Variants in L3MBTL4 observed in about 807,000 individuals in gnomAD.
L3MBTL4 encodes the protein L3MBTL histone methyl-lysine binding protein 4.
Under a neutral mutation model 84.5 loss-of-function variants are expected in L3MBTL4, and 70 were observed. That is an observed-to-expected ratio of 0.83 (90% CI 0.68 to 1.01). L3MBTL4 has a LOEUF of 1.01. Ranked by LOEUF, L3MBTL4 falls within the 50% of genes least tolerant of loss-of-function variation. L3MBTL4 has a pLI of 0.00. For missense variants in L3MBTL4, 715 were observed against 754.8 expected (o/e 0.95, Z 0.62); for synonymous variants, 274 against 259.8 (o/e 1.05, Z -0.52).
intron 4 of L3MBTL4, among the ~76,000 whole-genome samples, chr18:6,264,647 C>T (rs973753810): frequency 6.6e-6 from 1 of 152,014 alleles, no homozygotes; most frequent in South Asian, 2.1e-4. Flanking sequence ...AGCTGGGCAT[C>T]GTGGCGGGTG....
chr18:6,167,497 T>C (rs1279594458), intron 13 of L3MBTL4, among the ~76,000 whole-genome samples: 1 of 152,176 alleles, frequency 6.6e-6, no homozygotes, highest in Non-Finnish European at 1.5e-5. Context: ...ATGGGCTTCA[T>C]CCCTGGGATG....
At chr18:6,176,038 G>A (rs116593220) in intron 12 of L3MBTL4, among the ~76,000 whole-genome samples, 2,305 of 152,174 alleles carry the variant, frequency 0.015, 58 homozygotes, top group African/African-American at 0.053. Context: ...ATTCCTAAGA[G>A]AAATTAAAAG....
intron 1 of L3MBTL4, among the ~76,000 whole-genome samples, chr18:6,352,830 G>C (rs1415556495): frequency 6.6e-6 from 1 of 152,120 alleles, no homozygotes; most frequent in Non-Finnish European, 1.5e-5. Flanking sequence ...AAACTGAAAA[G>C]AGACATTTTT....
At chr18:6,297,084 T>C (rs897007156) in intron 4 of L3MBTL4, among the ~76,000 whole-genome samples, 4 of 152,134 alleles carry the variant, frequency 2.6e-5, no homozygotes, top group Non-Finnish European at 4.4e-5. Context: ...CTTGGTTCCA[T>C]CAATTAACAC....
intron 12 of L3MBTL4, among the ~76,000 whole-genome samples, chr18:6,189,304 C>T (rs1297256504): frequency 6.6e-6 from 1 of 152,136 alleles, no homozygotes; most frequent in Admixed American, 6.5e-5. Context: ...TTAATTAAAT[C>T]TTCAAATATC....
chr18:6,083,932 C>T (rs1037745245), intron 15 of L3MBTL4, among the ~76,000 whole-genome samples: 2 of 152,160 alleles, frequency 1.3e-5, no homozygotes, highest in Non-Finnish European at 2.9e-5. Context: ...GAAGAAAGGG[C>T]CTGCATCCTC....
chr18:6,031,812 T>A (rs1369128749), intron 16 of L3MBTL4: 1 of 17,360 alleles, frequency 5.8e-5, no homozygotes, highest in Admixed American at 9.7e-4. Flanking sequence ...AGATTCATGG[T>A]TTTTTTTTTT....
intron 1 of L3MBTL4, among the ~76,000 whole-genome samples, chr18:6,383,063 A>G (rs8089147): frequency 0.23 from 34,243 of 151,932 alleles, 6,115 homozygotes; most frequent in African/African-American, 0.49. Flanking sequence ...GCTGAGTTTC[A>G]GTAGGCTCTG....
At position 6,254,393 on chromosome 18, in the gene L3MBTL4, C is replaced by T. The variant is rs74986159; in HGVS notation, c.219+9554G>A. 6.6e-3 allele frequency among the ~76,000 whole-genome samples: 986 copies of T among 149,628 alleles called. 12 individuals are homozygous for T. Among genetic ancestry groups the T allele is most frequent in the African/African-American group, 0.023 (931 of 40,520 alleles). ...AAGCAGCAAGGCATGCTTCAAATTC[C>T]GCTTTTTCAAAGTGACACCTTTTTT... On this transcript the variant is annotated intron_variant, in intron 5 of 18. Transcript: ENST00000317931.
chr18:6,077,262 C>G (rs539404484), intron 16 of L3MBTL4, among the ~76,000 whole-genome samples: 3 of 152,314 alleles, frequency 2.0e-5, no homozygotes, highest in Admixed American at 6.5e-5. Context: ...ATTAGTAAGA[C>G]AAATTTCAAC....
chr18:6,363,272 T>A (rs2053787532), intron 1 of L3MBTL4, among the ~76,000 whole-genome samples: 1 of 152,242 alleles, frequency 6.6e-6, no homozygotes, highest in East Asian at 1.9e-4. Context: ...AAAACCCAGG[T>A]ATGAACCGTC....
chr18:6,168,855 G>A (rs189544720), intron 13 of L3MBTL4, among the ~76,000 whole-genome samples: 321 of 152,316 alleles, frequency 2.1e-3, no homozygotes, highest in Non-Finnish European at 3.8e-3. Context: ...AGAGCTTTCT[G>A]CACAGCAAAA....
At chr18:6,138,428 G>A (rs1228811898) in intron 13 of L3MBTL4, 132 bp from the exon 14 acceptor site, 3 of 572,652 alleles carry the variant, frequency 5.2e-6, no homozygotes, top group East Asian at 5.7e-5. Context: ...ACTTACAGGT[G>A]ACTTACGATG....
chr18:6,041,669 CTA>C (rs142825003), intron 16 of L3MBTL4, among the ~76,000 whole-genome samples: 2,486 of 152,182 alleles, frequency 0.016, 72 homozygotes, highest in African/African-American at 0.057. Flanking sequence ...CGCAGCCACA[CTA>C]TATACCCTTG....
chr18:6,178,727 G>A (rs181338942), intron 12 of L3MBTL4, among the ~76,000 whole-genome samples: 148 of 152,142 alleles, frequency 9.7e-4, no homozygotes, highest in African/African-American at 2.9e-3. Context: ...ATTAAAGAGC[G>A]GTAAGAAATA....
chr18:6,391,119 T>G (rs894044384), intron 1 of L3MBTL4, among the ~76,000 whole-genome samples: 3 of 152,004 alleles, frequency 2.0e-5, no homozygotes, highest in African/African-American at 7.3e-5. Flanking sequence ...CAACAGCACA[T>G]CAAAAGATAA....
At chr18:6,264,713 G>A (rs891138673) in intron 4 of L3MBTL4, among the ~76,000 whole-genome samples, 1 of 152,144 alleles carries the variant, frequency 6.6e-6, no homozygotes, top group African/African-American at 2.4e-5. Flanking sequence ...GAACCCAGGA[G>A]GTGGAGGTTG....
chr18:6,064,238 C>A (rs2057327674), intron 16 of L3MBTL4, among the ~76,000 whole-genome samples: 1 of 152,204 alleles, frequency 6.6e-6, no homozygotes, highest in East Asian at 1.9e-4. Flanking sequence ...TATACCAGTA[C>A]CATGCCGCTT....
chr18:6,324,191 G>T (rs1370353618), intron 1 of L3MBTL4, among the ~76,000 whole-genome samples: 2 of 152,242 alleles, frequency 1.3e-5, no homozygotes, highest in East Asian at 3.9e-4. Context: ...GACAACGTAT[G>T]GAAAAGCCTA....
Sources: gnomAD v4.1 joint callset for allele counts (sites outside exome capture counted in the v4.1 genomes callset) on GRCh38, gnomAD v4.1.1 for gene constraint, MANE v1.5 for transcripts, NCBI Gene and HGNC (gene_info 2026-07-23, HGNC 2026-07-21) for gene names.